Variants in POLRMT observed in about 807,000 individuals in gnomAD.
POLRMT encodes the protein RNA polymerase mitochondrial.
A neutral mutation model predicts 132.2 loss-of-function variants in POLRMT; 114 were observed. The ratio of observed to expected loss-of-function variants is 0.86; its 90% CI spans 0.74 to 1.01. POLRMT has a LOEUF of 1.01. Ranked by LOEUF, POLRMT falls within the 50% of genes least tolerant of loss-of-function variation. The pLI is 0.00. For missense variants in POLRMT, 2,003 were observed against 1,729.1 expected (o/e 1.16, Z -2.81); for synonymous variants, 1,020 against 773.4 (o/e 1.32, Z -5.29).
chr19:632,320 G>A (rs1357426442), intron 2 of POLRMT, among the ~76,000 whole-genome samples: 1 of 152,206 alleles, frequency 6.6e-6, no homozygotes, highest in Non-Finnish European at 1.5e-5. Context: ...CAGAAGCACC[G>A]GCGGGAAGCA....
rs529162007 is a variant in POLRMT, at chr19:623,473, C to T, written c.1271G>A (p.Ser424Asn). The change falls in exon 6 of 21, where the codon AGC becomes AAC. Residue 424 changes from serine (S) to asparagine (N), a missense_variant. Physicochemically the swap from Ser to Asn is conservative, Grantham distance 46. Transcript: ENST00000588649. ...VVSVEKPTLPSKEVKHARKTL... is the reference protein window; with the variant it reads ...VVSVEKPTLPNKEVKHARKTL... ...CCCTACCGCGTGCTTGACCTCCTTG[C>T]TTGGCAACGTGGGCTTCTCCACGGA... 1.7e-5 allele frequency: 28 copies of T among 1,612,364 alleles called. No individual in the cohort carries two copies. The South Asian group carries it at 2.4e-4, about 14-fold the overall frequency.
chr19:627,156 T>A lies in POLRMT; in HGVS notation c.823-1902A>T, dbSNP rs547550678. On this transcript the variant is annotated intron_variant, in intron 3 of 20. Transcript: ENST00000588649. ...GACATGAGTTTTGGGGCATTTTTTT[T>A]TTTTTTTTTTTTTGAGACGGAGTCT... is the stretch of plus-strand genomic sequence containing the variant. Among the ~76,000 whole-genome samples, 23 of 146,114 alleles carry A rather than the reference T, an allele frequency of 1.6e-4. No homozygotes were observed. In the East Asian group the frequency reaches 4.5e-3, roughly 29 times the overall value.
intron 17 of POLRMT, chr19:618,196 G>A (rs867540314): frequency 3.7e-5 from 20 of 545,328 alleles, no homozygotes; most frequent in South Asian, 1.2e-4. Flanking sequence ...CTGCTGGAAC[G>A]ACCTCCACGT....
In POLRMT at chr19:617,440, GTGTC is replaced by G. The variant is rs1568372565; in HGVS notation, c.3618_3621del (p.Glu1206AspfsTer16). The G allele has an allele frequency of 1.2e-6, 2 of 1,612,140 alleles. No individual in the cohort carries two copies. Among genetic ancestry groups the G allele is most frequent in the Non-Finnish European group, 1.7e-6 (2 of 1,179,828 alleles). Reference sequence around the variant, plus strand: ...CTACCTGGCTTGGGCACCGCCTGCAGTGTCTCCTTCAGCTGGCTGGCCTCCAAGA... The same window carrying G: ...CTACCTGGCTTGGGCACCGCCTGCAGTCCTTCAGCTGGCTGGCCTCCAAGA... On this transcript the variant is annotated frameshift_variant, in exon 20 of 21. Transcript: ENST00000588649. LOFTEE classifies it high-confidence loss of function.
intron 3 of POLRMT, among the ~76,000 whole-genome samples, chr19:628,503 T>C (rs1180490908): frequency 6.6e-6 from 1 of 152,210 alleles, no homozygotes; most frequent in Non-Finnish European, 1.5e-5. Context: ...AAGAAGCACA[T>C]CAAGTTCTCT....
At chr19:623,690 T>C in intron 5 of POLRMT, 87 bp from the exon 6 acceptor site, 2 of 1,475,804 alleles carry the variant, frequency 1.4e-6, no homozygotes, top group Non-Finnish European at 1.9e-6. Flanking sequence ...GTGCACGCGT[T>C]TCTGCGTCTC....
Position 617,762 on chromosome 19 carries a change from A to G in POLRMT, c.3495+15T>C. On this transcript the variant is annotated intron_variant, in intron 18 of 20. Coordinates refer to ENST00000588649, the MANE Select transcript of POLRMT (RefSeq NM_005035.4). ...CCCACCCATGGGTGGACTGAGGCTC[A>G]GACTACGGGGGCACCTGGTTCATGA... 2 of 1,613,082 alleles carry G rather than the reference A, an allele frequency of 1.2e-6. No individual in the cohort carries two copies. Among genetic ancestry groups the G allele is most frequent in the East Asian group, 2.2e-5 (1 of 44,888 alleles).
chr19:617,527 G>A (rs1179847461), intron 19 of POLRMT, 43 bp downstream of exon 19: 4 of 1,605,686 alleles, frequency 2.5e-6, no homozygotes, highest in East Asian at 4.5e-5. Flanking sequence ...AGGTTTTGGG[G>A]TGGGGGGGGA....
rs2144566694 is a variant in POLRMT at position 618,166 on chromosome 19, G to A, written c.3423-317C>T. The A allele has an allele frequency of 5.4e-6, 3 of 550,690 alleles. 1 individual carries two copies. The highest frequency in any genetic ancestry group is 6.1e-5 in the East Asian group (2 of 33,036). 34.1% of individuals were successfully genotyped at this position (550,690 alleles called of 1,614,324 possible). ...CCACCCCGCATCCTGAGCATTCCCA[G>A]CTCCCGTGGCCGGTAGATTCTGCTG... On this transcript the variant is annotated intron_variant, in intron 17 of 20. Coordinates refer to ENST00000588649, the MANE Select transcript of POLRMT (RefSeq NM_005035.4).
chr19:619,880 G>A, intron 12 of POLRMT, 78 bp downstream of exon 12: 1 of 1,587,606 alleles, frequency 6.3e-7, no homozygotes, highest in Admixed American at 1.7e-5. Context: ...AGGCCAAGGT[G>A]AGGGCACCTG....
rs151235528 is a variant in POLRMT, at chr19:620,005, C to T, written c.2839G>A (p.Glu947Lys). The T allele has an allele frequency of 1.5e-3, 2,340 of 1,590,434 alleles. 36 individuals carry two copies. The African/African-American group carries it at 0.028, about 19-fold the overall frequency. ...ACGTCCTGCGGCACATCCGAGGGCTCCAGGTTGACGGAGGCGGCGCCCACG... is the reference window on the plus strand; with the variant it reads ...ACGTCCTGCGGCACATCCGAGGGCTTCAGGTTGACGGAGGCGGCGCCCACG... Reference protein sequence around the residue: ...DSVGAASVNLEPSDVPQDVYS... With the variant: ...DSVGAASVNLKPSDVPQDVYS... The change falls in exon 12 of 21, where the codon GAG becomes AAG. Residue 947 changes from glutamate (E) to lysine (K), a missense_variant. Physicochemically the swap from Glu to Lys is moderately conservative, Grantham distance 56. Coordinates refer to ENST00000588649, the MANE Select transcript of POLRMT (RefSeq NM_005035.4).
At chr19:633,050 T>A in intron 1 of POLRMT, 112 bp from the exon 2 acceptor site, 1 of 753,498 alleles carries the variant, frequency 1.3e-6, no homozygotes. Context: ...CAGCGGAAAC[T>A]CTCGGAGCAC....
In POLRMT at chr19:617,804, G is replaced by C; in HGVS notation, c.3468C>G (p.His1156Gln). Residue 1156 changes from histidine (H) to glutamine (Q), a missense_variant, in exon 18 of 21, where the codon CAC (histidine) becomes CAG (glutamine). Physicochemically the swap from His to Gln is conservative, Grantham distance 24. Coordinates refer to ENST00000588649, the MANE Select transcript of POLRMT (RefSeq NM_005035.4). ...GGTTCATGACGGAGACATCAGCTGC[G>C]TGAGTCCAGTAACAGTCGTGCACAG... ...FVSVHDCYWT[H>Q]AADVSVMNQV... The C allele has an allele frequency of 1.9e-6, 3 of 1,613,356 alleles. No homozygotes were observed. The highest frequency in any genetic ancestry group is 2.5e-6 in the Non-Finnish European group (3 of 1,179,920).
Position 621,793 on chromosome 19 carries a change from C to T in POLRMT, c.1905G>A (p.Ala635=), listed in dbSNP as rs543996685. The T allele has an allele frequency of 9.9e-5, 158 of 1,602,372 alleles. No individual in the cohort carries two copies. In the Admixed American group the frequency reaches 1.5e-3, roughly 16 times the overall value. Residue 635 remains alanine, a synonymous_variant, in exon 10 of 21, where the codon GCG becomes GCA. Transcript: ENST00000588649. ...PAYVQLLEKA[A]EPTLTFEAVD... is the part of the protein sequence containing the mutation. ...CCGCCTCGAAGGTCAGCGTGGGCTC[C>T]GCGGCCTTCTCCAGCAGCTGCACGT...
chr19:619,396 T>C (rs1387366326), intron 13 of POLRMT, 100 bp from the exon 14 acceptor site: 3 of 1,437,954 alleles, frequency 2.1e-6, no homozygotes, highest in Admixed American at 1.8e-5. Flanking sequence ...GCCTAGGGCC[T>C]AGCAGGGGGG....
In POLRMT at chr19:629,627, C is replaced by A. The variant is rs1985259572; in HGVS notation, c.735G>T (p.Leu245=). 46 of 1,609,532 alleles carry A rather than the reference C, an allele frequency of 2.9e-5. No individual in the cohort carries two copies. The highest frequency in any genetic ancestry group is 3.9e-5 in the Non-Finnish European group (46 of 1,179,092). ...LTDQLPLAHH[L]LVVHHGQRQK... is the part of the protein sequence containing the mutation. ...GCCGCTGGCCGTGGTGGACGACCAGCAGGTGGTGGGCGAGGGGCAGCTGGT... is the reference window on the plus strand; with the variant it reads ...GCCGCTGGCCGTGGTGGACGACCAGAAGGTGGTGGGCGAGGGGCAGCTGGT... Residue 245 remains leucine (L), a synonymous_variant, in exon 3 of 21, where the codon CTG becomes CTT. Coordinates refer to ENST00000588649, the MANE Select transcript of POLRMT (RefSeq NM_005035.4).
chr19:633,526 C>A lies in POLRMT; in HGVS notation c.-14G>T. ...AAGTGCCGACATTACGCACGCCGCT[C>A]CAGGCCACCCCACCGGCCCGCGCCT... On this transcript the variant is annotated 5_prime_UTR_variant, in exon 1 of 21. Transcript: ENST00000588649. 7.0e-7 allele frequency: 1 copy of A among 1,436,168 alleles called. No individual in the cohort carries two copies. The highest frequency in any genetic ancestry group is 9.1e-7 in the Non-Finnish European group (1 of 1,101,094). 89.0% of individuals were successfully genotyped at this position (1,436,168 alleles called of 1,614,324 possible).
chr19:624,632 G>T lies in POLRMT; in HGVS notation c.1140+87C>A. On this transcript the variant is annotated intron_variant, in intron 5 of 20. Transcript: ENST00000588649. ...GCCCAGGTGAGCCCTGGGCACCGGG[G>T]AGGCCCATTGGTCTGAGCTGAGGCT... 2.8e-6 allele frequency: 4 copies of T among 1,436,608 alleles called. No individual in the cohort carries two copies. The East Asian group carries it at 9.4e-5, about 34-fold the overall frequency. The allele number at this position is 1,436,608 out of a possible 1,614,324, so 89.0% of individuals were successfully genotyped here.
chr19:618,171 C>T (rs1984161841), intron 17 of POLRMT: 3 of 549,316 alleles, frequency 5.5e-6, no homozygotes, highest in South Asian at 2.3e-5. Context: ...TCCCAGCTCC[C>T]GTGGCCGGTA....
Sources: allele counts gnomAD v4.1 joint callset (sites outside exome capture counted in the v4.1 genomes callset), GRCh38; gene constraint gnomAD v4.1.1; transcripts MANE v1.5; gene names NCBI Gene and HGNC (gene_info 2026-07-23, HGNC 2026-07-21).